SLC16A9: variants seen among roughly 807,000 people sequenced by gnomAD.
The protein encoded by SLC16A9 is monocarboxylate transporter 9.
SLC16A9 carries 26 observed loss-of-function variants against 44.3 expected under a neutral mutation model. The ratio of observed to expected loss-of-function variants is 0.59; its 90% CI spans 0.43 to 0.81. The LOEUF (loss-of-function observed/expected upper bound fraction) is 0.81. SLC16A9 is among the 40% of genes least tolerant of loss of function. The pLI is 0.00. For missense variants in SLC16A9, 559 were observed against 595.8 expected (o/e 0.94, Z 0.64); for synonymous variants, 230 against 225.1 (o/e 1.02, Z -0.19).
Position 59,652,370 on chromosome 10 carries a change from TATC to T in SLC16A9, c.*399_*401del, listed in dbSNP as rs1839222386. ...TTCCTAGTGGGCTTCACACATATCT[TATC>T]ATGATGCTTGCATCACTTTTAAAAT... On this transcript the variant is annotated 3_prime_UTR_variant, in exon 6 of 6. Transcript: ENST00000395348. 6.5e-6 allele frequency: 1 copy of T among 154,154 alleles called. No homozygotes were observed. The highest frequency in any genetic ancestry group is 2.4e-5 in the African/African-American group (1 of 41,530). 9.5% of individuals were successfully genotyped at this position (154,154 alleles called of 1,614,324 possible). A position where few individuals can be genotyped will look rare whatever the true frequency, so the allele number is the denominator to read the frequency against.
At chr10:59,707,201 GAA>G (rs2132559965) in intron 1 of SLC16A9, among the ~76,000 whole-genome samples, 1 of 146,256 alleles carries the variant, frequency 6.8e-6, no homozygotes, top group African/African-American at 2.5e-5. Context: ...GCAGTGAGAA[GAA>G]AGAGAGAGAG....
At chr10:59,658,198 C>T (rs1038373310) in intron 4 of SLC16A9, among the ~76,000 whole-genome samples, 1 of 151,686 alleles carries the variant, frequency 6.6e-6, no homozygotes, top group Non-Finnish European at 1.5e-5. Context: ...CTTGAATCCA[C>T]CTACAACCTG....
chr10:59,653,766 C>T lies in SLC16A9; in HGVS notation c.1260G>A (p.Thr420=), dbSNP rs200609840. 24 of 1,614,068 alleles carry T rather than the reference C, an allele frequency of 1.5e-5. No individual in the cohort carries two copies. The highest frequency in any genetic ancestry group is 2.2e-5 in the East Asian group (1 of 44,858). Reference sequence around the variant, plus strand: ...CTAATTTTTCAATTCCCACAGTCTTCGTGGTCACATATGGAAAGATGGACC... The same window carrying T: ...CTAATTTTTCAATTCCCACAGTCTTTGTGGTCACATATGGAAAGATGGACC... ...GNWSIFPYVT[T]KTVGIEKLAH... is the part of the protein sequence containing the mutation. The change falls in exon 5 of 6, where the codon ACG becomes ACA. Residue 420 remains threonine (T), a synonymous_variant. Transcript: ENST00000395348.
chr10:59,676,704 C>T (rs1839864870), intron 2 of SLC16A9, among the ~76,000 whole-genome samples: 1 of 152,076 alleles, frequency 6.6e-6, no homozygotes, highest in African/African-American at 2.4e-5. Flanking sequence ...AGGTGGAACA[C>T]CTGAGGTCAG....
intron 1 of SLC16A9, among the ~76,000 whole-genome samples, chr10:59,700,948 T>TA (rs1413024430): frequency 6.6e-6 from 1 of 152,182 alleles, no homozygotes; most frequent in East Asian, 1.9e-4. Context: ...TGATCACAGA[T>TA]ACTCAAGCAA....
At chr10:59,663,698 G>A (rs1394619547) in intron 4 of SLC16A9, among the ~76,000 whole-genome samples, 1 of 152,064 alleles carries the variant, frequency 6.6e-6, no homozygotes, top group Non-Finnish European at 1.5e-5. Context: ...CGTGGCACAT[G>A]TATACCTATG....
At chr10:59,681,533 G>GTATATA (rs1161105712) in intron 2 of SLC16A9, among the ~76,000 whole-genome samples, 1 of 104,434 alleles carries the variant, frequency 9.6e-6, no homozygotes, top group Admixed American at 9.7e-5. Flanking sequence ...ATGTGTATGT[G>GTATATA]TATGTGTATG....
chr10:59,707,016 A>AG (rs1328629991), intron 1 of SLC16A9, among the ~76,000 whole-genome samples: 5 of 148,788 alleles, frequency 3.4e-5, no homozygotes, highest in South Asian at 4.3e-4. Flanking sequence ...AAAAAAAAAA[A>AG]GGGAAGTCAG....
Position 59,683,729 on chromosome 10 carries a change from T to G in SLC16A9, c.196+367A>C, listed in dbSNP as rs558067218. On this transcript the variant is annotated intron_variant, in intron 2 of 5. Coordinates refer to ENST00000395348, the MANE Select transcript of SLC16A9 (RefSeq NM_194298.3). ...CCTTGAGCATACCTGGATCACTACC[T>G]TCATCTCCCTGACTCATTCTTACTC... 2.6e-4 allele frequency among the ~76,000 whole-genome samples: 39 copies of G among 152,326 alleles called. No individual in the cohort carries two copies. In the South Asian group the frequency reaches 8.1e-3, roughly 32 times the overall value.
Position 59,684,200 on chromosome 10 carries a change from A to G in SLC16A9, c.92T>C (p.Leu31Pro). 1 of 1,614,118 alleles carries G rather than the reference A, an allele frequency of 6.2e-7. No individual in the cohort carries two copies. Among genetic ancestry groups the G allele is most frequent in the Non-Finnish European group, 8.5e-7 (1 of 1,179,994 alleles). The change falls in exon 2 of 6, where the codon CTA (leucine) becomes CCA (proline). Residue 31 changes from leucine (L) to proline (P), a missense_variant. Coordinates refer to ENST00000395348, the MANE Select transcript of SLC16A9 (RefSeq NM_194298.3). ...LTQFLCYGSP[L>P]AVGVLYIEWL... The stretch of plus-strand genomic sequence containing the variant: ...TTCTATGTACAGGACTCCAACAGCT[A>G]GTGGGGATCCGTAACACAAAAACTG...
In SLC16A9 at chr10:59,654,554, G is replaced by A. The variant is rs761216589; in HGVS notation, c.472C>T (p.Gln158Ter). 6.2e-7 allele frequency: 1 copy of A among 1,602,850 alleles called. No individual in the cohort carries two copies. Among genetic ancestry groups the A allele is most frequent in the South Asian group, 1.1e-5 (1 of 90,750 alleles). ...CCATAGAACTCAACCAGCATCCTCT[G>A]CAGAGCAGCATATATGAAAAGGCCA... ...SVGLFIYAAL[Q>*]RMLVEFYGLD... The change falls in exon 5 of 6, where the codon CAG (glutamine) becomes TAG (stop). Residue 158 changes from glutamine to a stop codon, truncating the protein, a stop_gained. Coordinates refer to ENST00000395348, the MANE Select transcript of SLC16A9 (RefSeq NM_194298.3). LOFTEE classifies it high-confidence loss of function.
chr10:59,676,047 C>A (rs1207400555), intron 2 of SLC16A9, among the ~76,000 whole-genome samples: 2 of 152,200 alleles, frequency 1.3e-5, no homozygotes. Flanking sequence ...AAGCAAGGAT[C>A]AAGTCTGATG....
intron 2 of SLC16A9, among the ~76,000 whole-genome samples, chr10:59,681,984 T>G (rs985420707): frequency 3.9e-5 from 6 of 151,930 alleles, no homozygotes; most frequent in Non-Finnish European, 8.8e-5. Context: ...TCTATGCTCA[T>G]CTTTAAAAGC....
At chr10:59,698,124 C>T (rs996132121) in intron 1 of SLC16A9, among the ~76,000 whole-genome samples, 1 of 152,082 alleles carries the variant, frequency 6.6e-6, no homozygotes, top group African/African-American at 2.4e-5. Flanking sequence ...CTGGTTACCC[C>T]AGAATTCTAG....
chr10:59,694,193 C>T (rs896119157), intron 1 of SLC16A9, among the ~76,000 whole-genome samples: 2 of 152,124 alleles, frequency 1.3e-5, no homozygotes. Flanking sequence ...CCTGCCTCGG[C>T]CTCCCAAAGT....
At chr10:59,694,901 G>A (rs1344585846) in intron 1 of SLC16A9, among the ~76,000 whole-genome samples, 1 of 148,364 alleles carries the variant, frequency 6.7e-6, no homozygotes, top group Non-Finnish European at 1.5e-5. Context: ...ATAGATAATG[G>A]ATCCAAATGC....
At chr10:59,684,032 C>G in intron 2 of SLC16A9, 64 bp downstream of exon 2, 1 of 1,374,558 alleles carries the variant, frequency 7.3e-7, no homozygotes, top group Middle Eastern at 1.9e-4. Context: ...GCACAATGTT[C>G]ATGATGTAGT....
At chr10:59,705,090 T>A (rs1242018617) in intron 1 of SLC16A9, among the ~76,000 whole-genome samples, 1 of 152,096 alleles carries the variant, frequency 6.6e-6, no homozygotes, top group East Asian at 1.9e-4. Context: ...TTGCTAACAT[T>A]TTTTTTCGTC....
At chr10:59,662,034 A>G (rs529427929) in intron 4 of SLC16A9, among the ~76,000 whole-genome samples, 6 of 152,308 alleles carry the variant, frequency 3.9e-5, no homozygotes, top group Admixed American at 2.0e-4. Flanking sequence ...TAAAAACCCT[A>G]GAAGAAAACC....
Sources: gnomAD v4.1 joint callset for allele counts (sites outside exome capture counted in the v4.1 genomes callset) on GRCh38, gnomAD v4.1.1 for gene constraint, MANE v1.5 for transcripts, NCBI Gene and HGNC (gene_info 2026-07-23, HGNC 2026-07-21) for gene names.